Variants in CNTN5 observed in about 807,000 individuals in gnomAD.
CNTN5 encodes contactin-5.
A neutral mutation model predicts 129.1 loss-of-function variants in CNTN5; 77 were observed. That is an observed-to-expected ratio of 0.60 (90% confidence interval 0.50 to 0.72). The LOEUF (loss-of-function observed/expected upper bound fraction) is 0.72. Ranked by LOEUF, CNTN5 falls within the 30% of genes least tolerant of loss-of-function variation. The probability of loss-of-function intolerance (pLI) is 0.00; values close to 1 mark genes in which losing one functional copy is unlikely to be tolerated. For synonymous variants in CNTN5, 509 were observed against 465.6 expected (o/e 1.09, Z -1.20); for missense variants, 1,478 against 1,328.8 (o/e 1.11, Z -1.75).
At chr11:99,923,937 G>A (rs909055969) in intron 7 of CNTN5, among the ~76,000 whole-genome samples, 3 of 151,968 alleles carry the variant, frequency 2.0e-5, no homozygotes, top group Non-Finnish European at 4.4e-5. Context: ...TACTACAGGC[G>A]CACACCACCA....
chr11:100,276,355 C>T (rs1013919340), intron 18 of CNTN5, among the ~76,000 whole-genome samples: 7 of 151,930 alleles, frequency 4.6e-5, no homozygotes, highest in Non-Finnish European at 1.0e-4. Context: ...GCCTGGCCAA[C>T]ATGGCAAAAA....
intron 13 of CNTN5, among the ~76,000 whole-genome samples, chr11:100,092,680 T>C (rs769424432): frequency 6.6e-6 from 1 of 152,160 alleles, no homozygotes; most frequent in Non-Finnish European, 1.5e-5. Context: ...TATATCTGTA[T>C]AAATCATGTG....
intron 6 of CNTN5, among the ~76,000 whole-genome samples, chr11:99,877,748 C>T (rs868783103): frequency 2.4e-4 from 37 of 152,144 alleles, no homozygotes; most frequent in African/African-American, 8.9e-4. Flanking sequence ...TCTGCATTTG[C>T]ATTATAGGTT....
chr11:100,315,282 T>C (rs1470137277), intron 21 of CNTN5, among the ~76,000 whole-genome samples: 1 of 152,184 alleles, frequency 6.6e-6, no homozygotes, highest in African/African-American at 2.4e-5. Flanking sequence ...TAAGAAATAA[T>C]AAACCAAGCA....
intron 2 of CNTN5, among the ~76,000 whole-genome samples, chr11:99,356,403 G>T (rs1028015649): frequency 7.2e-5 from 11 of 152,168 alleles, no homozygotes; most frequent in African/African-American, 2.7e-4. Context: ...AGGTAAGAAA[G>T]TTGGCATGGA....
rs1860866175 is a variant in CNTN5, at chr11:99,229,400, T to C, written c.-209-95946T>C. 1.3e-5 allele frequency among the ~76,000 whole-genome samples: 2 copies of C among 152,004 alleles called. 1 individual carries two copies. Among genetic ancestry groups the C allele is most frequent in the South Asian group, 4.1e-4 (2 of 4,834 alleles). On this transcript the variant is annotated intron_variant, in intron 1 of 24. Transcript: ENST00000524871. ...TTGTATATAAATGATTGCTGTAAAA[T>C]GCTGAATAGCTTTTTTTATTGCCTT...
chr11:100,067,646 T>C (rs1233300017), intron 10 of CNTN5, among the ~76,000 whole-genome samples: 2 of 152,082 alleles, frequency 1.3e-5, no homozygotes, highest in East Asian at 3.9e-4. Context: ...GACATACTGA[T>C]AGCATTTTTT....
intron 13 of CNTN5, among the ~76,000 whole-genome samples, chr11:100,133,392 T>A (rs188814208): frequency 2.0e-5 from 3 of 152,292 alleles, no homozygotes; most frequent in African/African-American, 4.8e-5. Context: ...GCCTGGCATA[T>A]TTAATTTTTG....
At chr11:100,216,372 T>G (rs1316590731) in intron 15 of CNTN5, among the ~76,000 whole-genome samples, 1 of 152,068 alleles carries the variant, frequency 6.6e-6, no homozygotes. Flanking sequence ...TCTTAAAAGA[T>G]AAATTGGAAA....
At chr11:100,345,355 C>T (rs576297863) in intron 23 of CNTN5, among the ~76,000 whole-genome samples, 3 of 152,130 alleles carry the variant, frequency 2.0e-5, no homozygotes, top group Non-Finnish European at 4.4e-5. Context: ...ATTGATCATA[C>T]TCATGAAAGG....
At chr11:99,493,449 T>G (rs1946111114) in intron 2 of CNTN5, among the ~76,000 whole-genome samples, 1 of 152,236 alleles carries the variant, frequency 6.6e-6, no homozygotes. Flanking sequence ...GTATCGATAA[T>G]TCTATACCTT....
intron 3 of CNTN5, among the ~76,000 whole-genome samples, chr11:99,750,448 C>T (rs1300202224): frequency 2.0e-5 from 3 of 151,910 alleles, no homozygotes; most frequent in Non-Finnish European, 4.4e-5. Context: ...TGATATATCT[C>T]TAACAAGTTT....
chr11:99,277,125 G>T (rs1290908927), intron 1 of CNTN5, among the ~76,000 whole-genome samples: 1 of 151,626 alleles, frequency 6.6e-6, no homozygotes, highest in Non-Finnish European at 1.5e-5. Flanking sequence ...AGAAGAATAT[G>T]CTTTGTGTTG....
chr11:100,088,166 C>T (rs12801995), intron 13 of CNTN5, among the ~76,000 whole-genome samples: 1 of 151,766 alleles, frequency 6.6e-6, no homozygotes, highest in Admixed American at 6.6e-5. Context: ...ACATAAAATC[C>T]TCAGAGACTA....
chr11:99,855,701 A>G (rs1321240731), intron 6 of CNTN5, among the ~76,000 whole-genome samples: 2 of 152,200 alleles, frequency 1.3e-5, no homozygotes, highest in African/African-American at 4.8e-5. Context: ...TTCTTCTTCC[A>G]GGGAAATATT....
chr11:99,804,527 G>T (rs894912225), intron 3 of CNTN5, among the ~76,000 whole-genome samples: 2 of 149,084 alleles, frequency 1.3e-5, no homozygotes, highest in Non-Finnish European at 3.0e-5. Flanking sequence ...TATAATTTTT[G>T]AGATAGAAAA....
intron 1 of CNTN5, among the ~76,000 whole-genome samples, chr11:99,296,163 G>T (rs903888979): frequency 3.5e-4 from 54 of 152,204 alleles, no homozygotes; most frequent in African/African-American, 1.3e-3. Context: ...CTGTGATCTT[G>T]GGAAAAGTTG....
At chr11:99,260,375 ACTTT>A (rs1171009139) in intron 1 of CNTN5, among the ~76,000 whole-genome samples, 1 of 151,698 alleles carries the variant, frequency 6.6e-6, no homozygotes. Flanking sequence ...AAGATTTAGA[ACTTT>A]CTTTAAGAAA....
At chr11:100,285,899 G>T (rs960745682) in intron 18 of CNTN5, among the ~76,000 whole-genome samples, 5 of 152,202 alleles carry the variant, frequency 3.3e-5, no homozygotes, top group African/African-American at 9.6e-5. Flanking sequence ...GTGGGTGCGC[G>T]CACCGTGCGC....
Sources: allele counts gnomAD v4.1 joint callset (sites outside exome capture counted in the v4.1 genomes callset), GRCh38; gene constraint gnomAD v4.1.1; transcripts MANE v1.5; gene names NCBI Gene and HGNC (gene_info 2026-07-23, HGNC 2026-07-21).